The following DAB1 variants were observed in gnomAD, a reference collection of about 807,000 sequenced individuals.
The protein encoded by DAB1 is DAB adaptor protein 1.
In DAB1, 15 loss-of-function variants were observed where a neutral mutation model predicts 64.6. That is an observed-to-expected ratio of 0.23 (90% CI 0.16 to 0.36). The LOEUF (loss-of-function observed/expected upper bound fraction) is 0.36, where lower values mean the gene tolerates loss of function less well. DAB1 is among the 10% of genes least tolerant of loss of function. The probability of loss-of-function intolerance (pLI) is 1.00; values close to 1 mark genes in which losing one functional copy is unlikely to be tolerated. For missense variants in DAB1, 596 were observed against 706.7 expected, an observed-to-expected ratio of 0.84 and a Z score of 1.78; for synonymous variants, 235 against 251.9, an observed-to-expected ratio of 0.93 and a Z score of 0.64.
chr1:57,549,368 A>T (rs1644890313), intron 7 of DAB1, among the ~76,000 whole-genome samples: 14 of 152,230 alleles, frequency 9.2e-5, no homozygotes, highest in Admixed American at 9.2e-4. Context: ...TAGTTAACTC[A>T]TAGGGCTGAA....
At chr1:57,875,417 C>T (rs1644027667) in intron 1 of DAB1, among the ~76,000 whole-genome samples, 1 of 152,190 alleles carries the variant, frequency 6.6e-6, no homozygotes, top group South Asian at 2.1e-4. Context: ...AGGGCCATCT[C>T]ATTCATTCAT....
chr1:57,297,509 CAT>C (rs1673297835), intron 1 of DAB1, among the ~76,000 whole-genome samples: 2 of 150,982 alleles, frequency 1.3e-5, no homozygotes, highest in African/African-American at 4.9e-5. Flanking sequence ...TATGTGTATG[CAT>C]ATATGTGTGA....
intron 1 of DAB1, among the ~76,000 whole-genome samples, chr1:57,406,014 C>G (rs1250451964): frequency 1.3e-5 from 2 of 152,168 alleles, no homozygotes; most frequent in Non-Finnish European, 2.9e-5. Context: ...GCCTCATTTC[C>G]CCTGGTTCCT....
intron 3 of DAB1, among the ~76,000 whole-genome samples, chr1:58,470,948 G>T (rs1179235663): frequency 6.6e-6 from 1 of 152,166 alleles, no homozygotes; most frequent in African/African-American, 2.4e-5. Flanking sequence ...AGCTTATTAG[G>T]CCTTCCCACT....
At chr1:58,448,331 GTAGA>G (rs941811474) in intron 3 of DAB1, among the ~76,000 whole-genome samples, 18 of 152,244 alleles carry the variant, frequency 1.2e-4, no homozygotes, top group African/African-American at 4.3e-4. Context: ...GTTTTGTTAG[GTAGA>G]TAGATAGATA....
chr1:57,339,736 G>C (rs1375051320), intron 1 of DAB1, among the ~76,000 whole-genome samples: 1 of 152,092 alleles, frequency 6.6e-6, no homozygotes. Flanking sequence ...ATGCTTTCAA[G>C]GATTATAATT....
intron 5 of DAB1, among the ~76,000 whole-genome samples, chr1:58,050,099 T>C (rs765523663): frequency 2.6e-5 from 4 of 152,138 alleles, no homozygotes; most frequent in Admixed American, 1.3e-4. Context: ...GGCAGTATTC[T>C]AGGCCAACAG....
chr1:57,128,702 G>C (rs927005359), intron 4 of DAB1, among the ~76,000 whole-genome samples: 1 of 152,116 alleles, frequency 6.6e-6, no homozygotes, highest in Non-Finnish European at 1.5e-5. Context: ...GGATCTTTGA[G>C]ACTAGTGCCT....
chr1:57,578,278 G>C (rs1645273612), intron 7 of DAB1, among the ~76,000 whole-genome samples: 1 of 152,190 alleles, frequency 6.6e-6, no homozygotes, highest in Non-Finnish European at 1.5e-5. Context: ...TTGGCATGAA[G>C]CATGTCCACT....
intron 7 of DAB1, among the ~76,000 whole-genome samples, chr1:57,595,464 G>A (rs147075564): frequency 6.6e-6 from 1 of 152,202 alleles, no homozygotes; most frequent in African/African-American, 2.4e-5. Context: ...ACGTAGCCTT[G>A]TCCACAAAGA....
chr1:58,485,033 C>T (rs1645550375), intron 3 of DAB1, among the ~76,000 whole-genome samples: 1 of 151,552 alleles, frequency 6.6e-6, no homozygotes, highest in African/African-American at 2.4e-5. Context: ...AAGAGTAAAC[C>T]CTAATGGACT....
intron 3 of DAB1, chr1:58,473,821 A>G (rs1184782913): frequency 1.2e-5 from 7 of 576,888 alleles, no homozygotes; most frequent in Non-Finnish European, 1.9e-5. Flanking sequence ...AGCACCGCCA[A>G]GCACACTTCC....
chr1:58,203,633 A>G (rs992315639), intron 4 of DAB1, among the ~76,000 whole-genome samples: 15 of 152,194 alleles, frequency 9.9e-5, no homozygotes, highest in Admixed American at 8.5e-4. Context: ...CTGATTTAGT[A>G]GACATGAATG....
At chr1:57,381,270 C>A (rs1200119220) in intron 1 of DAB1, among the ~76,000 whole-genome samples, 1 of 152,094 alleles carries the variant, frequency 6.6e-6, no homozygotes, top group African/African-American at 2.4e-5. Context: ...GATAATAGAA[C>A]AAATGGATAT....
chr1:58,518,524 A>G (rs2100446337), intron 2 of DAB1, among the ~76,000 whole-genome samples: 1 of 152,088 alleles, frequency 6.6e-6, no homozygotes. Context: ...TTTAGGTAAA[A>G]GATGCTAGTA....
At chr1:57,250,151 T>C (rs1002705875) in intron 2 of DAB1, among the ~76,000 whole-genome samples, 12 of 152,120 alleles carry the variant, frequency 7.9e-5, no homozygotes, top group Admixed American at 1.3e-4. Flanking sequence ...ACAGAACTAG[T>C]TAGTAGCAGA....
At chr1:57,187,756 CAA>C (rs1424298775) in intron 2 of DAB1, among the ~76,000 whole-genome samples, 1 of 150,266 alleles carries the variant, frequency 6.7e-6, no homozygotes, top group Non-Finnish European at 1.5e-5. Flanking sequence ...GGATTCTACT[CAA>C]AGTATTTTGT....
chr1:58,234,309 TCTTGC>T (rs1659915304), intron 4 of DAB1, among the ~76,000 whole-genome samples: 1 of 152,184 alleles, frequency 6.6e-6, no homozygotes, highest in African/African-American at 2.4e-5. Flanking sequence ...ACAGATATGA[TCTTGC>T]CTTCTGGCAC....
intron 3 of DAB1, among the ~76,000 whole-genome samples, chr1:57,137,472 T>C (rs1435597010): frequency 6.6e-6 from 1 of 152,072 alleles, no homozygotes; most frequent in East Asian, 1.9e-4. Flanking sequence ...AAGTTAAGAG[T>C]AAAGACACTT....
Sources: gnomAD v4.1 joint callset for allele counts (sites outside exome capture counted in the v4.1 genomes callset) on GRCh38, gnomAD v4.1.1 for gene constraint, MANE v1.5 for transcripts, NCBI Gene and HGNC (gene_info 2026-07-23, HGNC 2026-07-21) for gene names.